Variants in CADPS2 observed in about 807,000 individuals in gnomAD.
The protein encoded by CADPS2 is calcium dependent secretion activator 2.
A neutral mutation model predicts 172.5 loss-of-function variants in CADPS2; 93 were observed. The ratio of observed to expected loss-of-function variants is 0.54; its 90% CI spans 0.46 to 0.64. The LOEUF is 0.64. CADPS2 is among the 30% of genes least tolerant of loss of function. CADPS2 has a pLI of 0.00. For synonymous variants in CADPS2, 546 were observed against 555.2 expected, an observed-to-expected ratio of 0.98 and a Z score of 0.23; for missense variants, 1,420 against 1,565.9, an observed-to-expected ratio of 0.91 and a Z score of 1.57.
At chr7:122,367,564 T>TTTTA (rs2041109156) in intron 25 of CADPS2, among the ~76,000 whole-genome samples, 2 of 141,240 alleles carry the variant, frequency 1.4e-5, no homozygotes, top group African/African-American at 5.3e-5. Context: ...TTTTTTTTTT[T>TTTTA]AAGACAGTCT....
rs118081769 is a variant in CADPS2 at position 122,555,081 on chromosome 7, A to C, written c.1336-392T>G. ...ATTATGGATAACATGCTTAAAAACC[A>C]AAGTCAATTATTTGAAACAGCACAA... On this transcript the variant is annotated intron_variant, in intron 7 of 29. Coordinates refer to ENST00000449022, the MANE Select transcript of CADPS2 (RefSeq NM_017954.11). Among the ~76,000 whole-genome samples, 35 of 152,272 alleles carry C rather than the reference A, an allele frequency of 2.3e-4. 1 individual carries two copies. Among genetic ancestry groups the C allele is most frequent in the East Asian group, 1.5e-3 (8 of 5,172 alleles).
intron 3 of CADPS2, among the ~76,000 whole-genome samples, chr7:122,646,811 TAGA>T (rs1231175324): frequency 2.0e-5 from 3 of 152,216 alleles, no homozygotes; most frequent in Admixed American, 1.3e-4. Context: ...TATGTAGGAT[TAGA>T]AGGAGAAAGT....
chr7:122,353,954 A>G (rs1160210381), intron 27 of CADPS2, among the ~76,000 whole-genome samples: 1 of 152,042 alleles, frequency 6.6e-6, no homozygotes, highest in Non-Finnish European at 1.5e-5. Context: ...GGGCTACCTT[A>G]TCTCTTAGAT....
At chr7:122,408,096 A>T (rs2046868417) in intron 19 of CADPS2, among the ~76,000 whole-genome samples, 1 of 151,608 alleles carries the variant, frequency 6.6e-6, no homozygotes, top group Admixed American at 6.6e-5. Context: ...ACATTAAAAC[A>T]TTTGGTATTA....
intron 1 of CADPS2, among the ~76,000 whole-genome samples, chr7:122,794,752 T>A (rs867832556): frequency 0.051 from 6,922 of 135,250 alleles, 171 homozygotes; most frequent in African/African-American, 0.067. Flanking sequence ...GAAATCATTT[T>A]AAAAAAAAAA....
chr7:122,328,478 AAAGG>A (rs2034332736), intron 28 of CADPS2: 1 of 152,188 alleles, frequency 6.6e-6, no homozygotes, highest in South Asian at 2.1e-4. Flanking sequence ...CAGGGGATGA[AAAGG>A]AAGGGGTGCC....
chr7:122,560,256 G>A (rs966627624), intron 7 of CADPS2, among the ~76,000 whole-genome samples: 1 of 152,106 alleles, frequency 6.6e-6, no homozygotes, highest in Non-Finnish European at 1.5e-5. Context: ...GGAGATACAA[G>A]AAGGTAGGTT....
At chr7:122,827,999 G>A (rs1805433673) in intron 1 of CADPS2, among the ~76,000 whole-genome samples, 1 of 152,172 alleles carries the variant, frequency 6.6e-6, no homozygotes, top group African/African-American at 2.4e-5. Context: ...ACTGGCTTGA[G>A]AGGGGAATGC....
intron 7 of CADPS2, among the ~76,000 whole-genome samples, chr7:122,579,450 A>AATATATACATAT (rs1554638937): frequency 2.3e-5 from 3 of 128,668 alleles, no homozygotes; most frequent in African/African-American, 8.9e-5. Context: ...AATTGCATCG[A>AATATATACATAT]ATATATATAT....
At chr7:122,575,065 C>A (rs772311795) in intron 7 of CADPS2, among the ~76,000 whole-genome samples, 1 of 151,764 alleles carries the variant, frequency 6.6e-6, no homozygotes, top group African/African-American at 2.4e-5. Flanking sequence ...TACCTAAAAC[C>A]AGTCATGAAA....
At chr7:122,645,463 G>A (rs1156345020) in intron 3 of CADPS2, among the ~76,000 whole-genome samples, 1 of 94,526 alleles carries the variant, frequency 1.1e-5, no homozygotes, top group Admixed American at 1.1e-4. Flanking sequence ...ATGTATATAT[G>A]TGTATATATG....
chr7:122,410,812 T>A (rs941617666), intron 19 of CADPS2, among the ~76,000 whole-genome samples: 1 of 152,250 alleles, frequency 6.6e-6, no homozygotes, highest in Non-Finnish European at 1.5e-5. Flanking sequence ...AAAAATAATG[T>A]CCAACACAAA....
intron 17 of CADPS2, among the ~76,000 whole-genome samples, chr7:122,418,823 A>G (rs953928497): frequency 1.3e-5 from 2 of 152,212 alleles, no homozygotes; most frequent in African/African-American, 4.8e-5. Context: ...CATATATTTT[A>G]GCACTAACTA....
intron 1 of CADPS2, among the ~76,000 whole-genome samples, chr7:122,759,514 TATG>T: frequency 6.6e-6 from 1 of 152,228 alleles, no homozygotes; most frequent in Non-Finnish European, 1.5e-5. Context: ...AATAAACAGA[TATG>T]GTAGAGGTAG....
chr7:122,681,730 A>AAAC (rs2083068299), intron 2 of CADPS2: 2 of 581,888 alleles, frequency 3.4e-6, no homozygotes, highest in Admixed American at 6.5e-5. Flanking sequence ...AATTGTAAAA[A>AAAC]AATAATAATA....
intron 1 of CADPS2, among the ~76,000 whole-genome samples, chr7:122,813,234 C>T (rs1055716546): frequency 4.6e-5 from 7 of 152,122 alleles, no homozygotes; most frequent in Admixed American, 1.3e-4. Context: ...TCAATACCTA[C>T]ATTTTACATA....
chr7:122,438,512 C>G (rs750589343), intron 16 of CADPS2, 48 bp from the exon 17 acceptor site: 2 of 1,593,732 alleles, frequency 1.3e-6, no homozygotes, highest in South Asian at 1.1e-5. Context: ...TGGGGATAGA[C>G]AGATGGAAGA....
At chr7:122,663,186 G>C in intron 3 of CADPS2, 51 bp downstream of exon 3, 1 of 1,302,418 alleles carries the variant, frequency 7.7e-7, no homozygotes, top group South Asian at 1.4e-5. Context: ...AATACTTCAT[G>C]TTCATTCCAC....
intron 20 of CADPS2, among the ~76,000 whole-genome samples, chr7:122,396,316 A>G (rs531206876): frequency 1.3e-5 from 2 of 152,288 alleles, no homozygotes; most frequent in African/African-American, 2.4e-5. Flanking sequence ...TCAGTAAGTT[A>G]CCGTGCTCTC....
Sources: allele counts gnomAD v4.1 joint callset (sites outside exome capture counted in the v4.1 genomes callset), GRCh38; gene constraint gnomAD v4.1.1; transcripts MANE v1.5; gene names NCBI Gene and HGNC (gene_info 2026-07-23, HGNC 2026-07-21).